Variants in RHOBTB1 observed in about 807,000 individuals in gnomAD.
RHOBTB1 encodes rho-related BTB domain-containing protein 1.
RHOBTB1 carries 40 observed loss-of-function variants against 71.6 expected under a neutral mutation model. The observed-to-expected ratio is 0.56, with a 90% CI of 0.43 to 0.73. RHOBTB1 has a LOEUF of 0.73. Among genes scored for constraint, RHOBTB1 ranks in the 30% least tolerant of loss-of-function variants. The pLI is 0.00. For missense variants in RHOBTB1, 797 were observed against 894.0 expected, an observed-to-expected ratio of 0.89 and a Z score of 1.38; for synonymous variants, 319 against 334.9, an observed-to-expected ratio of 0.95 and a Z score of 0.52.
In RHOBTB1 at chr10:60,869,986, A is replaced by G. The variant is rs1409673775; in HGVS notation, c.*1496T>C. The G allele has an allele frequency of 6.6e-6, 1 of 152,596 alleles. No homozygotes were observed. The highest frequency in any genetic ancestry group is 1.5e-5 in the Non-Finnish European group (1 of 68,036). The allele number at this position is 152,596 out of a possible 1,614,324, so 9.5% of individuals were successfully genotyped here. On this transcript the variant is annotated 3_prime_UTR_variant, in exon 11 of 11. Transcript: ENST00000337910. Reference sequence around the variant, plus strand: ...GTTTGGACTCAACTGTCTCATTTCCATCTTCTGAAAAGCTAGAAGAAAAAA... The same window carrying G: ...GTTTGGACTCAACTGTCTCATTTCCGTCTTCTGAAAAGCTAGAAGAAAAAA...
chr10:60,946,174 T>C (rs1420370988), upstream of RHOBTB1, among the ~76,000 whole-genome samples: 2 of 126,150 alleles, frequency 1.6e-5, no homozygotes, highest in Non-Finnish European at 3.4e-5. Flanking sequence ...CAAGACTCCT[T>C]CTCAGAAAAA....
intron 1 of RHOBTB1, among the ~76,000 whole-genome samples, chr10:60,943,149 A>G (rs778547633): frequency 6.6e-6 from 1 of 152,212 alleles, no homozygotes; most frequent in Non-Finnish European, 1.5e-5. Flanking sequence ...CTTGTGTGCT[A>G]ACGTGCAAAG....
chr10:60,990,670 C>G (rs1039628042), intron 1 of RHOBTB1, among the ~76,000 whole-genome samples: 1 of 152,190 alleles, frequency 6.6e-6, no homozygotes, highest in Non-Finnish European at 1.5e-5. Flanking sequence ...CCTTCTGTTT[C>G]TTTTGCTATT....
In RHOBTB1 at chr10:60,943,973, T is replaced by G. The variant is rs1335992326; in HGVS notation, c.-64A>C. On this transcript the variant is annotated splice_region_variant and 5_prime_UTR_variant, in exon 1 of 11. Coordinates refer to ENST00000337910, the MANE Select transcript of RHOBTB1 (RefSeq NM_014836.5). ...AGCACTCACGACACAGAACCTACCC[T>G]GAAGCCGAGCGAGACGCGAGCTCTC... The G allele has an allele frequency of 1.3e-5, 2 of 151,014 alleles. No individual in the cohort carries two copies. The highest frequency in any genetic ancestry group is 4.9e-5 in the African/African-American group (2 of 41,068). 9.4% of individuals were successfully genotyped at this position (151,014 alleles called of 1,614,324 possible).
chr10:60,887,820 T>C (rs188216560), intron 6 of RHOBTB1, among the ~76,000 whole-genome samples: 3 of 152,290 alleles, frequency 2.0e-5, no homozygotes, highest in East Asian at 3.9e-4. Flanking sequence ...GGGAATTGTA[T>C]GCAACAAGCC....
chr10:60,980,024 G>A (rs2086440882), intron 2 of RHOBTB1, among the ~76,000 whole-genome samples: 1 of 152,150 alleles, frequency 6.6e-6, no homozygotes, highest in Admixed American at 6.5e-5. Context: ...GGTCACTGCT[G>A]GCTGACTCTG....
chr10:60,986,155 G>C (rs2086652554), intron 1 of RHOBTB1, among the ~76,000 whole-genome samples: 2 of 152,018 alleles, frequency 1.3e-5, no homozygotes, highest in African/African-American at 4.8e-5. Flanking sequence ...CAGAATATCT[G>C]GGGTCAAATC....
intron 2 of RHOBTB1, among the ~76,000 whole-genome samples, chr10:60,922,899 G>A (rs1010559461): frequency 1.3e-5 from 2 of 152,212 alleles, no homozygotes; most frequent in African/African-American, 4.8e-5. Context: ...AGTCAGGTGA[G>A]GGGGTGCTGC....
intron 2 of RHOBTB1, among the ~76,000 whole-genome samples, chr10:60,979,168 T>A (rs1328441032): frequency 1.3e-5 from 2 of 152,176 alleles, no homozygotes; most frequent in East Asian, 3.8e-4. Flanking sequence ...ACTAATCCTC[T>A]TTTGTTTTTT....
the RHOBTB1 span, among the ~76,000 whole-genome samples, chr10:60,861,654 C>CT: frequency 0.18 from 27,514 of 152,054 alleles, 2,781 homozygotes; most frequent in African/African-American, 0.27. Flanking sequence ...AAGAACATCC[C>CT]GTTGAAACTG....
intron 4 of RHOBTB1, among the ~76,000 whole-genome samples, chr10:60,906,738 G>C (rs968094097): frequency 1.3e-5 from 2 of 152,106 alleles, no homozygotes; most frequent in Non-Finnish European, 2.9e-5. Context: ...CAGCAACATA[G>C]GCTTTATTCA....
the RHOBTB1 span, among the ~76,000 whole-genome samples, chr10:60,861,010 T>C: frequency 6.6e-6 from 1 of 152,268 alleles, no homozygotes; most frequent in South Asian, 2.1e-4. Flanking sequence ...TTGTGATAAT[T>C]TTCAGATCAA....
intron 1 of RHOBTB1, among the ~76,000 whole-genome samples, chr10:60,987,225 C>T (rs536978390): frequency 6.6e-6 from 1 of 152,294 alleles, no homozygotes; most frequent in African/African-American, 2.4e-5. Context: ...TCAAGAAACT[C>T]CCCTGAATTT....
intron 2 of RHOBTB1, among the ~76,000 whole-genome samples, chr10:60,939,799 AT>A (rs1006759228): frequency 2.0e-5 from 3 of 152,222 alleles, no homozygotes; most frequent in African/African-American, 7.2e-5. Context: ...GTTTCCAGCC[AT>A]TTTTAAAGAG....
chr10:60,993,988 GC>G (rs2086958349), intron 1 of RHOBTB1, among the ~76,000 whole-genome samples: 1 of 151,958 alleles, frequency 6.6e-6, no homozygotes, highest in African/African-American at 2.4e-5. Context: ...TAAATTATAT[GC>G]AAAAAATTGT....
In RHOBTB1 at chr10:60,871,668, G is replaced by T. The variant is rs1363158952; in HGVS notation, c.1922-17C>A. On this transcript the variant is annotated splice_polypyrimidine_tract_variant and intron_variant, in intron 10 of 10. Transcript: ENST00000337910. ...CCTGGTTGTCTGGTGAAGGAAAGATGCAGACCATAAGACCTGCGGTTCATT... is the reference window on the plus strand; with the variant it reads ...CCTGGTTGTCTGGTGAAGGAAAGATTCAGACCATAAGACCTGCGGTTCATT... 6.2e-7 allele frequency: 1 copy of T among 1,611,704 alleles called. No homozygotes were observed. The highest frequency in any genetic ancestry group is 1.7e-5 in the Admixed American group (1 of 59,830).
chr10:60,999,858 G>A (rs190961290), intron 1 of RHOBTB1, among the ~76,000 whole-genome samples: 4 of 152,280 alleles, frequency 2.6e-5, no homozygotes, highest in African/African-American at 7.2e-5. Context: ...TAAGGTAAAT[G>A]CCATTTCATA....
At chr10:60,951,844 G>A (rs1369769250) in intron 2 of RHOBTB1, among the ~76,000 whole-genome samples, 1 of 152,168 alleles carries the variant, frequency 6.6e-6, no homozygotes, top group Non-Finnish European at 1.5e-5. Flanking sequence ...ATTGCCTGAG[G>A]TCAGGAGTTT....
chr10:60,864,384 G>A, the RHOBTB1 span, among the ~76,000 whole-genome samples: 2 of 152,104 alleles, frequency 1.3e-5, no homozygotes, highest in Admixed American at 6.5e-5. Flanking sequence ...CTGGTAGAGT[G>A]GTGCCAAGAC....
Sources: allele counts gnomAD v4.1 joint callset (sites outside exome capture counted in the v4.1 genomes callset), GRCh38; gene constraint gnomAD v4.1.1; transcripts MANE v1.5; gene names NCBI Gene and HGNC (gene_info 2026-07-23, HGNC 2026-07-21).